The following PRDM5 variants were observed in gnomAD, a reference collection of about 807,000 sequenced individuals.
PRDM5 encodes PR/SET domain 5.
In PRDM5, 56 loss-of-function variants were observed where a neutral mutation model predicts 81.2. The observed-to-expected ratio is 0.69, with a 90% CI of 0.56 to 0.86. The LOEUF (loss-of-function observed/expected upper bound fraction) is 0.86, where lower values mean the gene tolerates loss of function less well. Ranked by LOEUF, PRDM5 falls within the 40% of genes least tolerant of loss-of-function variation. PRDM5 has a pLI of 0.00. For missense variants in PRDM5, 697 were observed against 770.1 expected (o/e 0.91, Z 1.12); for synonymous variants, 267 against 256.4 (o/e 1.04, Z -0.39).
Position 120,704,895 on chromosome 4 carries a change from G to C in PRDM5, c.1728+5414C>G, listed in dbSNP as rs144470108. 7.9e-3 allele frequency among the ~76,000 whole-genome samples: 1,200 copies of C among 152,282 alleles called. 3 individuals are homozygous for C. The highest frequency in any genetic ancestry group is 0.017 in the Middle Eastern group (5 of 294). ...GCGTGAAGAACATGGCTCAGCTGGGGAAGTGAAAAGAATTCACAAAAGCTA... is the reference window on the plus strand; with the variant it reads ...GCGTGAAGAACATGGCTCAGCTGGGCAAGTGAAAAGAATTCACAAAAGCTA... On this transcript the variant is annotated intron_variant, in intron 15 of 15. Transcript: ENST00000264808.
At chr4:120,896,932 C>T (rs1237177373) in intron 2 of PRDM5, 1 of 151,952 alleles carries the variant, frequency 6.6e-6, no homozygotes, top group African/African-American at 2.4e-5. Context: ...ATCTGCCTGC[C>T]TCAGCCTCCC....
chr4:120,912,213 A>G (rs192737991), intron 1 of PRDM5, among the ~76,000 whole-genome samples: 15 of 152,348 alleles, frequency 9.8e-5, no homozygotes, highest in Non-Finnish European at 1.0e-4. Flanking sequence ...ACAAAGGGGA[A>G]ACAGGACATT....
At chr4:120,870,141 G>T (rs1229124591) in intron 2 of PRDM5, among the ~76,000 whole-genome samples, 1 of 152,066 alleles carries the variant, frequency 6.6e-6, no homozygotes, top group Non-Finnish European at 1.5e-5. Context: ...ACAGAGGAAG[G>T]GAGGGAGAGG....
At chr4:120,883,761 A>G (rs1050387961) in intron 2 of PRDM5, among the ~76,000 whole-genome samples, 4 of 152,192 alleles carry the variant, frequency 2.6e-5, no homozygotes, top group African/African-American at 9.7e-5. Flanking sequence ...AAATTTTAAT[A>G]TAAGGACTTA....
chr4:120,783,108 T>A (rs1378907499), intron 11 of PRDM5, among the ~76,000 whole-genome samples: 2 of 152,158 alleles, frequency 1.3e-5, no homozygotes, highest in African/African-American at 4.8e-5. Flanking sequence ...GCCAGAAAGC[T>A]GATGTAAGTT....
At chr4:120,837,783 C>A (rs777538464) in intron 3 of PRDM5, 2 of 152,108 alleles carry the variant, frequency 1.3e-5, no homozygotes, top group Non-Finnish European at 2.9e-5. Context: ...TAACTCACAG[C>A]AAGAATGACT....
chr4:120,705,803 G>C (rs1003719603), intron 15 of PRDM5, among the ~76,000 whole-genome samples: 1 of 152,132 alleles, frequency 6.6e-6, no homozygotes, highest in African/African-American at 2.4e-5. Context: ...CAGAAGGAGA[G>C]AGAGCAGTTA....
chr4:120,829,164 T>G (rs1163006653), intron 3 of PRDM5, among the ~76,000 whole-genome samples: 1 of 152,042 alleles, frequency 6.6e-6, no homozygotes, highest in Non-Finnish European at 1.5e-5. Context: ...CCTTGTAAGG[T>G]TGAGAGGCCC....
chr4:120,853,605 G>A, intron 2 of PRDM5, 65 bp from the exon 3 acceptor site: 2 of 1,603,456 alleles, frequency 1.2e-6, no homozygotes, highest in South Asian at 2.2e-5. Context: ...AACACATCAA[G>A]GTTAGGACAT....
At chr4:120,898,313 A>G (rs1764875502) in intron 2 of PRDM5, among the ~76,000 whole-genome samples, 3 of 152,194 alleles carry the variant, frequency 2.0e-5, no homozygotes, top group African/African-American at 7.2e-5. Context: ...TTAACTTTAT[A>G]ATAATCTGCC....
At chr4:120,889,572 C>G (rs1265431122) in intron 2 of PRDM5, among the ~76,000 whole-genome samples, 1 of 152,040 alleles carries the variant, frequency 6.6e-6, no homozygotes, top group Non-Finnish European at 1.5e-5. Flanking sequence ...ATGGAGATTG[C>G]ATCTTTTTTT....
At chr4:120,733,871 A>C (rs901638507) in intron 14 of PRDM5, among the ~76,000 whole-genome samples, 12 of 150,330 alleles carry the variant, frequency 8.0e-5, no homozygotes, top group African/African-American at 2.7e-4. Flanking sequence ...AAGAAACAGA[A>C]GAAAAACAAT....
downstream of PRDM5, among the ~76,000 whole-genome samples, chr4:120,689,247 T>A (rs987670069): frequency 1.3e-5 from 2 of 152,174 alleles, no homozygotes; most frequent in Admixed American, 6.6e-5. Context: ...CTAAATATCA[T>A]AATTTGAGTC....
intron 1 of PRDM5, among the ~76,000 whole-genome samples, chr4:120,685,829 TG>T (rs1252856046): frequency 6.6e-6 from 1 of 152,158 alleles, no homozygotes; most frequent in Admixed American, 6.6e-5. Context: ...CTTTTCTTTT[TG>T]TCCTTTATTC....
At chr4:120,873,935 T>C (rs1270043320) in intron 2 of PRDM5, among the ~76,000 whole-genome samples, 2 of 152,192 alleles carry the variant, frequency 1.3e-5, no homozygotes, top group Non-Finnish European at 2.9e-5. Context: ...GGCTATTATG[T>C]ACACTTTATT....
chr4:120,874,938 G>A (rs1340392711), intron 2 of PRDM5, among the ~76,000 whole-genome samples: 5 of 152,158 alleles, frequency 3.3e-5, no homozygotes, highest in African/African-American at 7.2e-5. Context: ...GGTGGTGGGA[G>A]GCTCCTGTTC....
chr4:120,707,018 C>T (rs573736791), intron 15 of PRDM5, among the ~76,000 whole-genome samples: 25 of 151,980 alleles, frequency 1.6e-4, no homozygotes, highest in African/African-American at 4.3e-4. Flanking sequence ...CAATTCTGTA[C>T]GTCTTTCAAA....
At chr4:120,831,074 A>T (rs185016045) in intron 3 of PRDM5, among the ~76,000 whole-genome samples, 99 of 152,166 alleles carry the variant, frequency 6.5e-4, no homozygotes, top group Admixed American at 9.8e-4. Flanking sequence ...TTTGAAAAAA[A>T]ATATATATAC....
chr4:120,818,469 A>C lies in PRDM5; in HGVS notation c.534T>G (p.Ser178Arg), dbSNP rs1754836911. 2 of 1,613,624 alleles carry C rather than the reference A, an allele frequency of 1.2e-6. No homozygotes were observed. Among genetic ancestry groups the C allele is most frequent in the African/African-American group, 1.3e-5 (1 of 75,036 alleles). Residue 178 changes from serine (S) to arginine (R), a missense_variant, in exon 5 of 16, where the codon AGT becomes AGG. Ser to Arg is a moderately radical substitution (Grantham distance 110). Around this residue, in one of 3 missense-constraint regions of PRDM5, gnomAD observed 577 missense variants for 606.7 expected, o/e 0.95. Transcript: ENST00000264808. ...GGAGATGCTCAGCAAGAATATCCTC[A>C]CTGGTAAAACTCGATTCACATTGAG... Reference protein sequence around the residue: ...ACPQCESSFTSEDILAEHLQT... With the variant: ...ACPQCESSFTREDILAEHLQT...
Sources: allele counts gnomAD v4.1 joint callset (sites outside exome capture counted in the v4.1 genomes callset), GRCh38; gene constraint gnomAD v4.1.1; regional missense constraint gnomAD v4.1.1; transcripts MANE v1.5; gene names NCBI Gene and HGNC (gene_info 2026-07-23, HGNC 2026-07-21).